Variants in CNTNAP5 observed in about 807,000 individuals in gnomAD.
CNTNAP5 encodes the protein contactin associated protein family member 5.
In CNTNAP5, 72 loss-of-function variants were observed where a neutral mutation model predicts 150.2. The observed-to-expected ratio is 0.48, with a 90% CI of 0.40 to 0.58. CNTNAP5 has a LOEUF of 0.58. CNTNAP5 is among the 20% of genes least tolerant of loss of function. The pLI, the probability that CNTNAP5 is intolerant of heterozygous loss-of-function variation, is 0.00. For missense variants in CNTNAP5, 1,636 were observed against 1,626.2 expected (o/e 1.01, Z -0.10); for synonymous variants, 672 against 619.8 (o/e 1.08, Z -1.25).
At chr2:124,123,384 G>A (rs577010156) in intron 1 of CNTNAP5, among the ~76,000 whole-genome samples, 49 of 152,268 alleles carry the variant, frequency 3.2e-4, no homozygotes, top group African/African-American at 1.1e-3. Flanking sequence ...TGAGGCTTGA[G>A]TAGGTAAACA....
intron 7 of CNTNAP5, among the ~76,000 whole-genome samples, chr2:124,481,836 A>G (rs1378364425): frequency 1.3e-5 from 2 of 152,202 alleles, no homozygotes; most frequent in African/African-American, 2.4e-5. Context: ...GATTACAACC[A>G]TGGTGCAAAA....
chr2:124,071,759 T>C (rs1484000353), intron 1 of CNTNAP5, among the ~76,000 whole-genome samples: 1 of 151,840 alleles, frequency 6.6e-6, no homozygotes. Flanking sequence ...TGAGACCCAA[T>C]AGCCTCACTG....
At chr2:124,323,881 G>T (rs1689156058) in intron 3 of CNTNAP5, among the ~76,000 whole-genome samples, 1 of 151,876 alleles carries the variant, frequency 6.6e-6, no homozygotes, top group South Asian at 2.1e-4. Context: ...GGTGTGTGTG[G>T]ATGTGTTTTT....
At chr2:124,535,117 A>G (rs980520973) in intron 10 of CNTNAP5, among the ~76,000 whole-genome samples, 44 of 152,140 alleles carry the variant, frequency 2.9e-4, no homozygotes, top group African/African-American at 1.0e-3. Flanking sequence ...TTAGACAGAC[A>G]CTGATTTCAT....
At chr2:124,188,363 C>T (rs1187691134) in intron 1 of CNTNAP5, among the ~76,000 whole-genome samples, 1 of 152,090 alleles carries the variant, frequency 6.6e-6, no homozygotes, top group Non-Finnish European at 1.5e-5. Context: ...TTTAACAAAA[C>T]CAAACGTGAT....
intron 21 of CNTNAP5, among the ~76,000 whole-genome samples, chr2:124,881,974 T>C (rs547101850): frequency 1.7e-4 from 26 of 152,066 alleles, no homozygotes; most frequent in Non-Finnish European, 3.1e-4. Context: ...TTAGGATCCC[T>C]ACTAGTGTGA....
At chr2:124,753,627 T>C (rs1680777350) in intron 14 of CNTNAP5, among the ~76,000 whole-genome samples, 1 of 152,224 alleles carries the variant, frequency 6.6e-6, no homozygotes, top group Non-Finnish European at 1.5e-5. Flanking sequence ...TTTATTCATG[T>C]TATTGAAAAG....
intron 13 of CNTNAP5, among the ~76,000 whole-genome samples, chr2:124,738,388 T>C (rs750115857): frequency 6.6e-6 from 1 of 152,212 alleles, no homozygotes; most frequent in Admixed American, 6.5e-5. Flanking sequence ...AAAATGTTCA[T>C]TTTTATCTGT....
chr2:124,203,318 T>C (rs1443332086), intron 1 of CNTNAP5, among the ~76,000 whole-genome samples: 1 of 152,168 alleles, frequency 6.6e-6, no homozygotes, highest in African/African-American at 2.4e-5. Context: ...CTTGTGACTT[T>C]ACAGGGTACA....
At chr2:124,114,515 T>C (rs1237205393) in intron 1 of CNTNAP5, among the ~76,000 whole-genome samples, 1 of 151,966 alleles carries the variant, frequency 6.6e-6, no homozygotes, top group Non-Finnish European at 1.5e-5. Flanking sequence ...AATAATTTAT[T>C]TATGAATTTT....
intron 22 of CNTNAP5, among the ~76,000 whole-genome samples, chr2:124,905,038 C>CAA (rs55882801): frequency 9.3e-4 from 47 of 50,744 alleles, no homozygotes; most frequent in Middle Eastern, 8.9e-3. Context: ...AACTCAATAG[C>CAA]AAAAAAAAAA....
intron 1 of CNTNAP5, among the ~76,000 whole-genome samples, chr2:124,113,373 G>T (rs12466819): frequency 0.6 from 91,612 of 151,880 alleles, 28,129 homozygotes; most frequent in South Asian, 0.67. Flanking sequence ...ATTCTTTATT[G>T]TACAAATTTA....
At chr2:124,773,219 G>A (rs1331380784) in intron 17 of CNTNAP5, among the ~76,000 whole-genome samples, 1 of 152,212 alleles carries the variant, frequency 6.6e-6, no homozygotes, top group East Asian at 1.9e-4. Context: ...CTAACCTTTA[G>A]CAAATTTTGA....
intron 11 of CNTNAP5, among the ~76,000 whole-genome samples, chr2:124,599,860 C>T (rs11674321): frequency 0.44 from 66,076 of 151,800 alleles, 14,999 homozygotes; most frequent in East Asian, 0.8. Flanking sequence ...AATACTTTTC[C>T]TATTTTTTAT....
intron 13 of CNTNAP5, among the ~76,000 whole-genome samples, chr2:124,736,542 A>G (rs895544085): frequency 5.9e-5 from 9 of 152,180 alleles, no homozygotes; most frequent in Non-Finnish European, 8.8e-5. Flanking sequence ...CCATGAATGA[A>G]CTGATATGTG....
At chr2:124,355,710 T>A (rs1461259729) in intron 3 of CNTNAP5, among the ~76,000 whole-genome samples, 3 of 152,176 alleles carry the variant, frequency 2.0e-5, no homozygotes, top group Non-Finnish European at 4.4e-5. Flanking sequence ...CAACATTGTG[T>A]GGGTTTTACA....
At chr2:124,272,696 T>C (rs916689578) in intron 3 of CNTNAP5, among the ~76,000 whole-genome samples, 2 of 152,214 alleles carry the variant, frequency 1.3e-5, no homozygotes, top group African/African-American at 4.8e-5. Context: ...GCCTGTTTCC[T>C]ATAAAATTAG....
At chr2:124,354,264 CAAACAAAA>C (rs1689945474) in intron 3 of CNTNAP5, among the ~76,000 whole-genome samples, 1 of 151,906 alleles carries the variant, frequency 6.6e-6, no homozygotes, top group East Asian at 1.9e-4. Flanking sequence ...TGAATTAAAA[CAAACAAAA>C]AAAATCTTTG....
rs1310883089 is a variant in CNTNAP5, at chr2:124,916,162, T to G, written c.*1874T>G. On this transcript the variant is annotated 3_prime_UTR_variant, in exon 24 of 24. Transcript: ENST00000682447. Reference sequence around the variant, plus strand: ...TTTAAGATGTTGTTTCAAATGCATATTCTCTCCTCGAAATTTTCTGTGGAT... The same window carrying G: ...TTTAAGATGTTGTTTCAAATGCATAGTCTCTCCTCGAAATTTTCTGTGGAT... Among the ~76,000 whole-genome samples, 1 of 152,108 alleles carries G rather than the reference T, an allele frequency of 6.6e-6. No individual in the cohort carries two copies. The highest frequency in any genetic ancestry group is 2.4e-5 in the African/African-American group (1 of 41,430).
Sources: gnomAD v4.1 joint callset for allele counts (sites outside exome capture counted in the v4.1 genomes callset) on GRCh38, gnomAD v4.1.1 for gene constraint, MANE v1.5 for transcripts, NCBI Gene and HGNC (gene_info 2026-07-23, HGNC 2026-07-21) for gene names.